The following RTF1 variants were observed in gnomAD, a reference collection of about 807,000 sequenced individuals.
The protein encoded by RTF1 is RNA polymerase-associated protein RTF1 homolog.
Under a neutral mutation model 95.7 loss-of-function variants are expected in RTF1, and 10 were observed. That is an observed-to-expected ratio of 0.10 (90% CI 0.06 to 0.18). The LOEUF (loss-of-function observed/expected upper bound fraction) is 0.18, where lower values mean the gene tolerates loss of function less well. Among genes scored for constraint, RTF1 ranks in the 10% least tolerant of loss-of-function variants. The probability of loss-of-function intolerance (pLI) is 1.00; values close to 1 mark genes in which losing one functional copy is unlikely to be tolerated. For synonymous variants in RTF1, 305 were observed against 311.8 expected, an observed-to-expected ratio of 0.98 and a Z score of 0.23; for missense variants, 458 against 875.6, an observed-to-expected ratio of 0.52 and a Z score of 6.02.
At chr15:41,438,483 C>T (rs1046890659) in intron 2 of RTF1, 52 bp downstream of exon 2, 30 of 1,229,258 alleles carry the variant, frequency 2.4e-5, no homozygotes, top group African/African-American at 2.3e-4. Context: ...TGAGGCTCCT[C>T]GCTTTGGTGG....
intron 2 of RTF1, among the ~76,000 whole-genome samples, chr15:41,444,599 G>A (rs1422978075): frequency 2.0e-5 from 3 of 152,078 alleles, no homozygotes. Flanking sequence ...CGGCCCGTTA[G>A]ATATTATATG....
intron 2 of RTF1, among the ~76,000 whole-genome samples, chr15:41,442,194 G>C (rs894838233): frequency 1.3e-5 from 2 of 148,712 alleles, no homozygotes; most frequent in African/African-American, 5.0e-5. Flanking sequence ...TTGAGATGGA[G>C]TCTCTCTCTG....
Position 41,453,058 on chromosome 15 carries a change from G to A in RTF1, c.457+10G>A. ...TCAGCCCCTGAGGAAGGTGAGCTGA[G>A]CAGCCTAGACCTGGAAGGTCAACTC... On this transcript the variant is annotated intron_variant, in intron 3 of 17. Coordinates refer to ENST00000389629, the MANE Select transcript of RTF1 (RefSeq NM_015138.5). The A allele has an allele frequency of 1.3e-6, 2 of 1,584,046 alleles. No homozygotes were observed. Among genetic ancestry groups the A allele is most frequent in the African/African-American group, 1.4e-5 (1 of 72,992 alleles).
intron 6 of RTF1, 137 bp from the exon 7 acceptor site, chr15:41,470,120 A>G: frequency 1.2e-6 from 1 of 850,914 alleles, no homozygotes; most frequent in Non-Finnish European, 1.8e-6. Flanking sequence ...TTCTGTATAT[A>G]CCCCAAGTTA....
intron 11 of RTF1, 115 bp from the exon 12 acceptor site, chr15:41,476,331 G>A: frequency 5.2e-6 from 4 of 775,322 alleles, no homozygotes; most frequent in South Asian, 4.2e-5. Flanking sequence ...TGACACTGCT[G>A]TAGGAAGAGC....
chr15:41,465,955 A>G lies in RTF1; in HGVS notation c.778-186A>G, dbSNP rs76545150. Among the ~76,000 whole-genome samples, 1,140 of 152,268 alleles carry G rather than the reference A, an allele frequency of 7.5e-3. 19 individuals carry two copies. Among genetic ancestry groups the G allele is most frequent in the African/African-American group, 0.026 (1,076 of 41,556 alleles). The stretch of plus-strand genomic sequence containing the variant: ...CTTGAACTTGGAATAGGCATTTTAG[A>G]CAGGGCTTACTTTACTGCGCTATCC... On this transcript the variant is annotated intron_variant, in intron 5 of 17. Transcript: ENST00000389629.
At chr15:41,444,266 G>A (rs2050749702) in intron 2 of RTF1, among the ~76,000 whole-genome samples, 1 of 151,286 alleles carries the variant, frequency 6.6e-6, no homozygotes, top group African/African-American at 2.4e-5. Context: ...TTGAGACTCT[G>A]TCTCAAAGGA....
chr15:41,477,478 G>A lies in RTF1; in HGVS notation c.1703G>A (p.Arg568Gln). The change falls in exon 14 of 18, where the codon CGG becomes CAG. Residue 568 changes from arginine (R) to glutamine (Q), a missense_variant. By Grantham distance (43) the Arg-to-Gln change is conservative. Around this residue, in one of 11 missense-constraint regions of RTF1, gnomAD observed 15 missense variants for 57.1 expected, o/e 0.26. Coordinates refer to ENST00000389629, the MANE Select transcript of RTF1 (RefSeq NM_015138.5). ...SAISYINQRN[R>Q]EWNIVESEKA... ...CACAGTTACATCAACCAGCGGAACC[G>A]GGAGTGGAACATTGTAGAGTCTGAG... The A allele has an allele frequency of 1.2e-6, 2 of 1,614,212 alleles. No homozygotes were observed. The highest frequency in any genetic ancestry group is 1.7e-6 in the Non-Finnish European group (2 of 1,180,026).
At chr15:41,465,785 C>G (rs1393929630) in intron 5 of RTF1, among the ~76,000 whole-genome samples, 1 of 152,056 alleles carries the variant, frequency 6.6e-6, no homozygotes, top group African/African-American at 2.4e-5. Flanking sequence ...GGAAAATAAT[C>G]TCTGTATTTA....
rs1408781291 is a variant in RTF1, at chr15:41,474,674, A to G, written c.1258A>G (p.Thr420Ala). Reference protein sequence around the residue: ...ETAKVYQLGGTRTNKGLQLRH... With the variant: ...ETAKVYQLGGARTNKGLQLRH... Reference sequence around the variant, plus strand: ...TGCCAAAGTTTACCAACTAGGTGGCACCAGAACAAACAAAGGGCTGCAACT... The same window carrying G: ...TGCCAAAGTTTACCAACTAGGTGGCGCCAGAACAAACAAAGGGCTGCAACT... The change falls in exon 9 of 18, where the codon ACC becomes GCC. Residue 420 changes from threonine (T) to alanine (A), a missense_variant. Around this residue, in one of 11 missense-constraint regions of RTF1, gnomAD observed 150 missense variants for 275.7 expected, o/e 0.54. Coordinates refer to ENST00000389629, the MANE Select transcript of RTF1 (RefSeq NM_015138.5). The G allele has an allele frequency of 6.2e-7, 1 of 1,614,038 alleles. No individual in the cohort carries two copies. The highest frequency in any genetic ancestry group is 8.5e-7 in the Non-Finnish European group (1 of 1,179,992).
chr15:41,469,464 T>G (rs1566847664), intron 6 of RTF1, among the ~76,000 whole-genome samples: 1 of 151,338 alleles, frequency 6.6e-6, no homozygotes, highest in Non-Finnish European at 1.5e-5. Context: ...TCAAGTGATC[T>G]ACCCACCTCG....
chr15:41,466,329 C>T, intron 6 of RTF1, 77 bp downstream of exon 6: 1 of 892,964 alleles, frequency 1.1e-6, no homozygotes, highest in Non-Finnish European at 1.7e-6. Context: ...ATTTTGCCCT[C>T]TTGTTATATC....
intron 1 of RTF1, among the ~76,000 whole-genome samples, chr15:41,426,637 T>G (rs1415907479): frequency 1.8e-5 from 2 of 112,378 alleles, no homozygotes; most frequent in Admixed American, 9.7e-5. Context: ...GATGGGGTTT[T>G]TCCATGTTGG....
chr15:41,478,829 C>CCTCG, intron 15 of RTF1: 1 of 612,170 alleles, frequency 1.6e-6, no homozygotes, highest in Non-Finnish European at 2.9e-6. Context: ...TTTATAAAAA[C>CCTCG]CTAGTGACTG....
intron 2 of RTF1, among the ~76,000 whole-genome samples, chr15:41,445,734 A>ATTTTTTT (rs66494134): frequency 7.6e-6 from 1 of 132,040 alleles, no homozygotes; most frequent in African/African-American, 2.8e-5. Flanking sequence ...TCCTGACCCC[A>ATTTTTTT]TTTTTTTTTT....
chr15:41,437,399 G>A (rs1396045236), intron 1 of RTF1, among the ~76,000 whole-genome samples: 1 of 151,140 alleles, frequency 6.6e-6, no homozygotes, highest in Non-Finnish European at 1.5e-5. Flanking sequence ...GGGAGGCTGA[G>A]GCAGGAGAAT....
intron 1 of RTF1, among the ~76,000 whole-genome samples, chr15:41,428,565 GC>G (rs1460966253): frequency 1.3e-5 from 2 of 150,402 alleles, no homozygotes; most frequent in Non-Finnish European, 3.0e-5. Flanking sequence ...ACCGTGTCCG[GC>G]CCCCTACTCC....
intron 7 of RTF1, 127 bp downstream of exon 7, chr15:41,470,519 A>C: frequency 1.0e-6 from 1 of 957,674 alleles, no homozygotes; most frequent in South Asian, 1.5e-5. Context: ...GGTTTGCTGA[A>C]CTGAGTTCCC....
chr15:41,450,104 G>A (rs939065451), intron 2 of RTF1, among the ~76,000 whole-genome samples: 3 of 152,142 alleles, frequency 2.0e-5, no homozygotes, highest in Admixed American at 6.6e-5. Context: ...GCTGAGATGA[G>A]AGAATCTCTT....
Sources: gnomAD v4.1 joint callset for allele counts (sites outside exome capture counted in the v4.1 genomes callset) on GRCh38, gnomAD v4.1.1 for gene constraint, gnomAD v4.1.1 regional missense constraint, MANE v1.5 for transcripts, NCBI Gene and HGNC (gene_info 2026-07-23, HGNC 2026-07-21) for gene names.